RABL2B: variants seen among roughly 807,000 people sequenced by gnomAD.
RABL2B encodes rab-like protein 2B.
A neutral mutation model predicts 26.7 loss-of-function variants in RABL2B; 17 were observed. The observed-to-expected ratio is 0.64, with a 90% CI of 0.44 to 0.95. The LOEUF (loss-of-function observed/expected upper bound fraction) is 0.95. Ranked by LOEUF, RABL2B falls within the 40% of genes least tolerant of loss-of-function variation. RABL2B has a pLI of 0.00. For synonymous variants in RABL2B, 70 were observed against 103.9 expected (o/e 0.67, Z 1.99); for missense variants, 170 against 277.2 (o/e 0.61, Z 2.75).
rs149954435 is a variant in RABL2B, at chr22:50,774,671, C to G, written c.297+1101G>C. 2.1e-3 allele frequency among the ~76,000 whole-genome samples: 317 copies of G among 150,356 alleles called. 12 individuals carry two copies. Among genetic ancestry groups the G allele is most frequent in the African/African-American group, 7.6e-3 (310 of 40,716 alleles). On this transcript the variant is annotated intron_variant, in intron 5 of 8. Transcript: ENST00000691320. Reference sequence around the variant, plus strand: ...TTAAAGCAAGACCTTGAATGCTATTCCAAGAAGTTTTAGTGACCAAGGTTT... The same window carrying G: ...TTAAAGCAAGACCTTGAATGCTATTGCAAGAAGTTTTAGTGACCAAGGTTT...
intron 5 of RABL2B, chr22:50,772,849 G>A (rs541177486): frequency 2.4e-5 from 29 of 1,184,074 alleles, no homozygotes; most frequent in Non-Finnish European, 3.0e-5. Flanking sequence ...TTTGAGAGCT[G>A]AGGAGGAGCT....
intron 2 of RABL2B, among the ~76,000 whole-genome samples, chr22:50,780,047 C>G (rs538343188): frequency 1.3e-5 from 2 of 152,210 alleles, no homozygotes; most frequent in South Asian, 4.1e-4. Flanking sequence ...GAAATCTGGT[C>G]GGGTGCAGTG....
intron 5 of RABL2B, among the ~76,000 whole-genome samples, chr22:50,774,442 C>T (rs1279863967): frequency 6.6e-6 from 1 of 150,422 alleles, no homozygotes; most frequent in African/African-American, 2.5e-5. Flanking sequence ...CCCAAATCAG[C>T]CCAAATGACA....
intron 4 of RABL2B, among the ~76,000 whole-genome samples, chr22:50,776,411 T>C (rs1461116562): frequency 3.9e-5 from 6 of 152,236 alleles, no homozygotes; most frequent in South Asian, 4.1e-4. Context: ...TACAGCCCCC[T>C]GACTTCTCCT....
intron 5 of RABL2B, chr22:50,773,229 C>T (rs2084446394): frequency 7.8e-7 from 1 of 1,279,280 alleles, no homozygotes; most frequent in Non-Finnish European, 1.0e-6. Flanking sequence ...TACACTGCCC[C>T]CATTTTCCTT....
At position 50,783,498 on chromosome 22, in the gene RABL2B, C is replaced by T. The variant is rs1555932368; in HGVS notation, c.-54+3G>A. The T allele has an allele frequency of 6.6e-6, 1 of 152,220 alleles. No homozygotes were observed. The highest frequency in any genetic ancestry group is 2.4e-5 in the African/African-American group (1 of 41,464). 9.4% of individuals were successfully genotyped at this position (152,220 alleles called of 1,614,324 possible). On this transcript the variant is annotated splice_donor_region_variant and intron_variant, in intron 1 of 8. Transcript: ENST00000691320. ...CCAGCCACCGGGGCGGATTTGCCCT[C>T]ACGTGCGGTTCCGAGTGAGGGCTGG...
intron 3 of RABL2B, among the ~76,000 whole-genome samples, chr22:50,777,496 C>T (rs1370665975): frequency 1.4e-5 from 2 of 140,508 alleles, no homozygotes; most frequent in African/African-American, 5.4e-5. Context: ...GAACTCACTC[C>T]AAACCTATGT....
intron 5 of RABL2B, chr22:50,772,556 A>C: frequency 1.0e-6 from 1 of 994,182 alleles, no homozygotes. Flanking sequence ...CCTCACTTCT[A>C]AATCACCCAG....
chr22:50,772,794 G>A (rs879949211), intron 5 of RABL2B: 82 of 1,126,706 alleles, frequency 7.3e-5, no homozygotes, highest in Middle Eastern at 4.2e-4. Context: ...ACCAGGCTCA[G>A]ATGCCTTTTG....
At chr22:50,780,166 G>C (rs1212646620) in intron 2 of RABL2B, among the ~76,000 whole-genome samples, 1 of 151,774 alleles carries the variant, frequency 6.6e-6, no homozygotes, top group Non-Finnish European at 1.5e-5. Flanking sequence ...ACAGGGGGTA[G>C]GGGAGCTGTC....
chr22:50,768,303 A>G lies in RABL2B; in HGVS notation c.*473T>C, dbSNP rs1464937523. ...ACTGAAGAGGAAAAAAGATGGGAGA[A>G]AACGTAGGGAAAGGATGGGGCCTCA... On this transcript the variant is annotated 3_prime_UTR_variant, in exon 9 of 9. Coordinates refer to ENST00000691320, the MANE Select transcript of RABL2B (RefSeq NM_001130919.3). 4.6e-6 allele frequency: 1 copy of G among 217,384 alleles called. No individual in the cohort carries two copies. Among genetic ancestry groups the G allele is most frequent in the Non-Finnish European group, 9.3e-6 (1 of 107,354 alleles). 13.5% of individuals were successfully genotyped at this position (217,384 alleles called of 1,614,324 possible). A position where few individuals can be genotyped will look rare whatever the true frequency, so the allele number is the denominator to read the frequency against.
intron 5 of RABL2B, chr22:50,770,560 C>A (rs1383211488): frequency 6.4e-6 from 1 of 156,140 alleles, no homozygotes; most frequent in Non-Finnish European, 1.4e-5. Flanking sequence ...GTTATCTTGT[C>A]ATCTAATCTT....
intron 5 of RABL2B, chr22:50,772,775 C>A: frequency 9.1e-7 from 1 of 1,094,992 alleles, no homozygotes; most frequent in Non-Finnish European, 1.1e-6. Flanking sequence ...CTTCTGGAAT[C>A]TGCCTCACAC....
intron 2 of RABL2B, chr22:50,780,726 G>A (rs782647483): frequency 8.5e-6 from 4 of 470,828 alleles, no homozygotes; most frequent in South Asian, 4.6e-5. Flanking sequence ...TGTCTGTGGA[G>A]GCCAATGTTA....
intron 1 of RABL2B, 162 bp downstream of exon 1, chr22:50,783,339 A>C (rs2147483506): frequency 6.5e-6 from 1 of 153,562 alleles, no homozygotes; most frequent in Non-Finnish European, 1.5e-5. Flanking sequence ...AACCATGTCC[A>C]GGCATCGCCA....
intron 5 of RABL2B, chr22:50,770,292 A>C: frequency 4.5e-6 from 2 of 447,730 alleles, no homozygotes; most frequent in Non-Finnish European, 7.8e-6. Context: ...GAGGTGGGTC[A>C]ATCACCTGAG....
chr22:50,769,465 T>A lies in RABL2B; in HGVS notation c.497A>T (p.Asn166Ile). ...LYFVSAADGT[N>I]VVKLFNDAIR... Reference sequence around the variant, plus strand: ...TGCAGTCAACCACACCTTCACAACATTGGTACCATCAGCAGCCGAGACGAA... The same window carrying A: ...TGCAGTCAACCACACCTTCACAACAATGGTACCATCAGCAGCCGAGACGAA... The change falls in exon 7 of 9, where the codon AAT becomes ATT. Residue 166 changes from asparagine (N) to isoleucine (I), a missense_variant. Asn to Ile is a moderately radical substitution (Grantham distance 149). This residue lies in a region of RABL2B where 165 missense variants were observed against 232.0 expected (regional missense o/e 0.71). Coordinates refer to ENST00000691320, the MANE Select transcript of RABL2B (RefSeq NM_001130919.3). 6.2e-7 allele frequency: 1 copy of A among 1,611,760 alleles called. No homozygotes were observed. The highest frequency in any genetic ancestry group is 8.5e-7 in the Non-Finnish European group (1 of 1,179,116).
Position 50,776,714 on chromosome 22 carries a change from A to G in RABL2B, c.173T>C (p.Leu58Pro). The G allele has an allele frequency of 6.2e-7, 1 of 1,611,616 alleles. No homozygotes were observed. The highest frequency in any genetic ancestry group is 8.5e-7 in the Non-Finnish European group (1 of 1,178,802). The stretch of plus-strand genomic sequence containing the variant: ...ATCTACCGTGGCTGTGTGCTTGTAC[A>G]GGGTCAGGGCGTACGTGGACAGCTG... ...PQQLSTYALT[L>P]YKHTATVDGR... The change falls in exon 4 of 9, where the codon CTG (leucine) becomes CCG (proline). Residue 58 changes from leucine (L) to proline (P), a missense_variant. Leu to Pro is a moderately conservative substitution (Grantham distance 98). Coordinates refer to ENST00000691320, the MANE Select transcript of RABL2B (RefSeq NM_001130919.3).
intron 2 of RABL2B, among the ~76,000 whole-genome samples, chr22:50,779,564 C>G (rs553479755): frequency 6.6e-6 from 1 of 151,974 alleles, no homozygotes; most frequent in African/African-American, 2.4e-5. Context: ...CCTTTGCCCT[C>G]TTTGCACAAC....
Sources: allele counts gnomAD v4.1 joint callset (sites outside exome capture counted in the v4.1 genomes callset), GRCh38; gene constraint gnomAD v4.1.1; regional missense constraint gnomAD v4.1.1; transcripts MANE v1.5; gene names NCBI Gene and HGNC (gene_info 2026-07-23, HGNC 2026-07-21).